The following CECR2 variants were observed in gnomAD, a reference collection of about 807,000 sequenced individuals.
CECR2 encodes CECR2 histone acetyl-lysine reader.
CECR2 carries 30 observed loss-of-function variants against 154.5 expected under a neutral mutation model. The observed-to-expected ratio is 0.19, with a 90% CI of 0.15 to 0.26. CECR2 has a LOEUF of 0.26. CECR2 is among the 10% of genes least tolerant of loss of function. The pLI, the probability that CECR2 is intolerant of heterozygous loss-of-function variation, is 1.00. For missense variants in CECR2, 1,743 were observed against 1,829.3 expected (o/e 0.95, Z 0.86); for synonymous variants, 725 against 683.7 (o/e 1.06, Z -0.94).
chr22:17,480,242 T>G (rs1194681820), intron 2 of CECR2, among the ~76,000 whole-genome samples: 1 of 152,122 alleles, frequency 6.6e-6, no homozygotes, highest in East Asian at 1.9e-4. Flanking sequence ...CATTGTTAAG[T>G]AACAAATTAC....
In CECR2 at chr22:17,504,891, A is replaced by T; in HGVS notation, c.745A>T (p.Thr249Ser). 6.2e-7 allele frequency: 1 copy of T among 1,613,710 alleles called. No homozygotes were observed. The highest frequency in any genetic ancestry group is 8.5e-7 in the Non-Finnish European group (1 of 1,179,816). ...AGGTACTTGGTGGCTCCTGTGCCAG[A>T]CAGAAGAGGAATGGAGACAGGTCAC... The part of the protein sequence containing the change: ...GQGTWWLLCQ[T>S]EEEWRQVTES... The change falls in exon 7 of 19, where the codon ACA becomes TCA. Residue 249 changes from threonine to serine, a missense_variant. Transcript: ENST00000262608.
intron 1 of CECR2, among the ~76,000 whole-genome samples, chr22:17,413,177 G>A (rs906433353): frequency 1.3e-5 from 2 of 152,148 alleles, no homozygotes; most frequent in African/African-American, 4.8e-5. Flanking sequence ...TCCCATAAGG[G>A]AAGTAGTATC....
chr22:17,493,010 C>T (rs977512372), intron 2 of CECR2, among the ~76,000 whole-genome samples: 8 of 152,054 alleles, frequency 5.3e-5, no homozygotes, highest in Admixed American at 6.6e-5. Context: ...CTGGCTCTGT[C>T]GCCCAGGCTG....
intron 1 of CECR2, among the ~76,000 whole-genome samples, chr22:17,392,142 C>T (rs115316135): frequency 1.3e-5 from 2 of 152,148 alleles, no homozygotes; most frequent in Admixed American, 1.3e-4. Context: ...AAAAAATAAG[C>T]GTGGCTTGGT....
chr22:17,366,657 G>T (rs1183975632), upstream of CECR2, among the ~76,000 whole-genome samples: 1 of 152,154 alleles, frequency 6.6e-6, no homozygotes, highest in South Asian at 2.1e-4. Flanking sequence ...TAGGCTGGAA[G>T]TTAGTCCAGA....
intron 1 of CECR2, among the ~76,000 whole-genome samples, chr22:17,457,054 C>G (rs542577490): frequency 6.6e-6 from 1 of 152,336 alleles, no homozygotes; most frequent in African/African-American, 2.4e-5. Context: ...GACAGAATTT[C>G]TCGCTCTTGT....
chr22:17,479,165 A>G (rs898778380), intron 2 of CECR2, among the ~76,000 whole-genome samples: 2 of 152,260 alleles, frequency 1.3e-5, no homozygotes, highest in Non-Finnish European at 2.9e-5. Context: ...TCCTGGAAGT[A>G]CATCACTCAG....
intron 16 of CECR2, among the ~76,000 whole-genome samples, chr22:17,544,870 CTGAGG>C (rs2056587494): frequency 7.0e-6 from 1 of 142,726 alleles, no homozygotes; most frequent in Non-Finnish European, 1.5e-5. Flanking sequence ...ACTTGGGAGG[CTGAGG>C]TGGGAGGATC....
chr22:17,409,750 T>C (rs1387566388), intron 1 of CECR2, among the ~76,000 whole-genome samples: 1 of 111,468 alleles, frequency 9.0e-6, no homozygotes, highest in Non-Finnish European at 2.1e-5. Context: ...ATGTGAGTTA[T>C]ATCAGAGCAG....
intron 1 of CECR2, among the ~76,000 whole-genome samples, chr22:17,396,546 C>CA (rs2053814796): frequency 6.6e-6 from 1 of 151,028 alleles, no homozygotes; most frequent in Non-Finnish European, 1.5e-5. Flanking sequence ...ACTCTTGTCT[C>CA]AAAAAACAAA....
At chr22:17,431,727 GATGCGTGTTGTAAC>G (rs1361246025) in intron 1 of CECR2, among the ~76,000 whole-genome samples, 8 of 151,902 alleles carry the variant, frequency 5.3e-5, no homozygotes, top group Non-Finnish European at 5.9e-5. Context: ...AATTCTTATT[GATGCGTGTTGTAAC>G]ATCAAACACG....
At chr22:17,515,992 A>T (rs2056046118) in intron 8 of CECR2, among the ~76,000 whole-genome samples, 1 of 152,158 alleles carries the variant, frequency 6.6e-6, no homozygotes, top group Admixed American at 6.5e-5. Flanking sequence ...GCCTTAAATT[A>T]GTTACTTTGG....
intron 2 of CECR2, among the ~76,000 whole-genome samples, chr22:17,490,471 G>A (rs1330331564): frequency 6.6e-6 from 1 of 151,946 alleles, no homozygotes. Context: ...GTCTTGCTCT[G>A]TCACCCAGGC....
intron 8 of CECR2, among the ~76,000 whole-genome samples, chr22:17,521,913 T>C (rs1040717010): frequency 2.6e-5 from 4 of 152,220 alleles, no homozygotes; most frequent in African/African-American, 9.6e-5. Flanking sequence ...TAATGCATCT[T>C]GAATTAATTT....
chr22:17,535,875 C>A (rs920482559), intron 9 of CECR2, among the ~76,000 whole-genome samples: 2 of 152,156 alleles, frequency 1.3e-5, no homozygotes, highest in African/African-American at 4.8e-5. Context: ...TGCAACCCAA[C>A]AGGGATCGTG....
intron 9 of CECR2, among the ~76,000 whole-genome samples, chr22:17,525,153 G>C (rs2056237097): frequency 1.3e-5 from 2 of 150,060 alleles, no homozygotes; most frequent in South Asian, 4.2e-4. Context: ...GGCGTGGTGG[G>C]GCATGCCTGT....
intron 1 of CECR2, among the ~76,000 whole-genome samples, chr22:17,437,111 G>A (rs972784198): frequency 9.2e-5 from 14 of 152,106 alleles, no homozygotes; most frequent in Non-Finnish European, 1.8e-4. Context: ...CTGTTGGGTT[G>A]TCTGGTGTTT....
At chr22:17,390,039 A>T (rs2063309991) in intron 1 of CECR2, among the ~76,000 whole-genome samples, 1 of 152,192 alleles carries the variant, frequency 6.6e-6, no homozygotes, top group African/African-American at 2.4e-5. Flanking sequence ...AATAATATAT[A>T]TAATTTGTAC....
intron 13 of CECR2, 129 bp from the exon 14 acceptor site, chr22:17,540,283 G>A (rs189398895): frequency 8.7e-6 from 7 of 805,336 alleles, no homozygotes; most frequent in Non-Finnish European, 1.2e-5. Context: ...TACCCAGGTT[G>A]CATCTTCTAT....
Sources: allele counts gnomAD v4.1 joint callset (sites outside exome capture counted in the v4.1 genomes callset), GRCh38; gene constraint gnomAD v4.1.1; transcripts MANE v1.5; gene names NCBI Gene and HGNC (gene_info 2026-07-23, HGNC 2026-07-21).